The following STEAP2 variants were observed in gnomAD, a reference collection of about 807,000 sequenced individuals.
STEAP2 encodes STEAP2 metalloreductase.
STEAP2 carries 30 observed loss-of-function variants against 46.4 expected under a neutral mutation model. That is an observed-to-expected ratio of 0.65 (90% CI 0.48 to 0.88). STEAP2 has a LOEUF of 0.88. STEAP2 is among the 40% of genes least tolerant of loss of function. STEAP2 has a pLI of 0.00. For missense variants in STEAP2, 513 were observed against 579.3 expected (o/e 0.89, Z 1.18); for synonymous variants, 180 against 200.5 (o/e 0.90, Z 0.86).
At position 90,237,346 on chromosome 7, in the gene STEAP2, T is replaced by A. The variant is rs1795996373; in HGVS notation, c.*4722T>A. ...AATTAACTAGACTGCAATAATTCTT[T>A]CTTTTGAAAGCTTTTAAAGGATAAT... On this transcript the variant is annotated 3_prime_UTR_variant, in exon 6 of 6. Coordinates refer to ENST00000394621, the MANE Select transcript of STEAP2 (RefSeq NM_001244944.2). The A allele has an allele frequency of 5.8e-6, 1 of 171,934 alleles. No homozygotes were observed. The highest frequency in any genetic ancestry group is 6.3e-5 in the Admixed American group (1 of 15,990). The allele number at this position is 171,934 out of a possible 1,614,324, so 10.7% of individuals were successfully genotyped here.
chr7:90,224,930 C>A, intron 2 of STEAP2, 120 bp from the exon 3 acceptor site: 1 of 758,864 alleles, frequency 1.3e-6, no homozygotes, highest in Non-Finnish European at 2.1e-6. Context: ...TCTTACTGTG[C>A]TGTATGTTAA....
At position 90,236,563 on chromosome 7, in the gene STEAP2, A is replaced by G. The variant is rs1394954588; in HGVS notation, c.*3939A>G. 1 of 1,041,906 alleles carries G rather than the reference A, an allele frequency of 9.6e-7. No homozygotes were observed. Among genetic ancestry groups the G allele is most frequent in the Non-Finnish European group, 1.2e-6 (1 of 866,474 alleles). 64.5% of individuals were successfully genotyped at this position (1,041,906 alleles called of 1,614,324 possible). ...ACTGTAATAATTTCAGTGGAAACTC[A>G]ATCTGTTTTTACCTTTAAACAGTGA... On this transcript the variant is annotated 3_prime_UTR_variant, in exon 6 of 6. Coordinates refer to ENST00000394621, the MANE Select transcript of STEAP2 (RefSeq NM_001244944.2).
Position 90,227,380 on chromosome 7 carries a change from G to A in STEAP2, c.902G>A (p.Cys301Tyr). The A allele has an allele frequency of 6.2e-7, 1 of 1,613,544 alleles. No homozygotes were observed. Among genetic ancestry groups the A allele is most frequent in the Non-Finnish European group, 8.5e-7 (1 of 1,179,566 alleles). ...CCTTGGTTGGAAACCTGGTTACAGT[G>A]TAGAAAACAGCTTGGATTACTAAGT... is the stretch of plus-strand genomic sequence containing the variant. The part of the protein sequence containing the change: ...FPPWLETWLQ[C>Y]RKQLGLLSFF... Residue 301 changes from cysteine to tyrosine, a missense_variant, in exon 4 of 6, where the codon TGT becomes TAT. Transcript: ENST00000394621.
At chr7:90,219,137 C>T (rs914449728) in intron 2 of STEAP2, among the ~76,000 whole-genome samples, 5 of 151,670 alleles carry the variant, frequency 3.3e-5, no homozygotes, top group Non-Finnish European at 7.4e-5. Context: ...GATTTTGTAT[C>T]CTGCAACTTT....
Position 90,225,189 on chromosome 7 carries a change from T to C in STEAP2, c.107T>C (p.Ile36Thr). 2 of 1,614,040 alleles carry C rather than the reference T, an allele frequency of 1.2e-6. No individual in the cohort carries two copies. The highest frequency in any genetic ancestry group is 1.7e-6 in the Non-Finnish European group (2 of 1,179,946). Residue 36 changes from isoleucine to threonine, a missense_variant, in exon 3 of 6, where the codon ATT (isoleucine) becomes ACT (threonine). Ile to Thr is a moderately conservative substitution (Grantham distance 89, BLOSUM62 -1). Transcript: ENST00000394621. ...KDARKVTVGV[I>T]GSGDFAKSLT... is the part of the protein sequence containing the mutation. The stretch of plus-strand genomic sequence containing the variant: ...GCAAGGAAGGTCACTGTAGGTGTGA[T>C]TGGAAGTGGAGATTTTGCCAAATCC...
intron 2 of STEAP2, among the ~76,000 whole-genome samples, chr7:90,219,628 T>C (rs528699023): frequency 6.6e-6 from 1 of 152,296 alleles, no homozygotes; most frequent in East Asian, 1.9e-4. Flanking sequence ...CTTGTATCCC[T>C]GGGATGCATT....
chr7:90,219,229 G>A (rs896642075), intron 2 of STEAP2, among the ~76,000 whole-genome samples: 2 of 152,040 alleles, frequency 1.3e-5, no homozygotes, highest in Non-Finnish European at 2.9e-5. Context: ...CATCAGCAAA[G>A]AGGGATAATT....
intron 2 of STEAP2, among the ~76,000 whole-genome samples, chr7:90,224,757 C>G (rs140808601): frequency 2.0e-5 from 3 of 152,278 alleles, no homozygotes; most frequent in Non-Finnish European, 4.4e-5. Flanking sequence ...TACATTTTAA[C>G]GAGATTCCGA....
intron 2 of STEAP2, among the ~76,000 whole-genome samples, chr7:90,218,756 GA>G (rs1448900358): frequency 2.6e-5 from 4 of 152,000 alleles, no homozygotes; most frequent in African/African-American, 4.8e-5. Flanking sequence ...AGCTATTCAG[GA>G]TATTTTTTGG....
chr7:90,224,738 A>G (rs1021957804), intron 2 of STEAP2, among the ~76,000 whole-genome samples: 15 of 152,284 alleles, frequency 9.9e-5, no homozygotes, highest in African/African-American at 2.9e-4. Flanking sequence ...GAACTACTCA[A>G]TCAGAATCTA....
At position 90,227,076 on chromosome 7, in the gene STEAP2, G is replaced by A; in HGVS notation, c.598G>A (p.Glu200Lys). ...CTTGGGATCCTTATCATCAGCCAGAGAGATTGAAAATTTACCCCTACGACT... is the reference window on the plus strand; with the variant it reads ...CTTGGGATCCTTATCATCAGCCAGAAAGATTGAAAATTTACCCCTACGACT... Reference protein sequence around the residue: ...IDLGSLSSAREIENLPLRLFT... With the variant: ...IDLGSLSSARKIENLPLRLFT... The change falls in exon 4 of 6, where the codon GAG becomes AAG. Residue 200 changes from glutamate to lysine, a missense_variant. Coordinates refer to ENST00000394621, the MANE Select transcript of STEAP2 (RefSeq NM_001244944.2). 6.2e-7 allele frequency: 1 copy of A among 1,613,832 alleles called. No homozygotes were observed. Among genetic ancestry groups the A allele is most frequent in the Non-Finnish European group, 8.5e-7 (1 of 1,179,850 alleles).
At chr7:90,238,232 C>T (rs924730559), downstream of STEAP2, 16 of 691,708 alleles carry the variant, frequency 2.3e-5, no homozygotes, top group African/African-American at 8.8e-5. Context: ...TGTGCCTGTG[C>T]ACCAGATCTG....
chr7:90,216,082 G>A (rs1411659462), intron 1 of STEAP2: 1 of 152,122 alleles, frequency 6.6e-6, no homozygotes, highest in Non-Finnish European at 1.5e-5. Context: ...GCCTATAAAT[G>A]ACATAGTTTT....
chr7:90,223,705 T>C (rs1052994149), intron 2 of STEAP2, among the ~76,000 whole-genome samples: 1 of 152,224 alleles, frequency 6.6e-6, no homozygotes, highest in Admixed American at 6.5e-5. Context: ...TTTAAGATCA[T>C]AAACATGTTA....
intron 1 of STEAP2, chr7:90,212,474 C>G (rs1418041918): frequency 2.0e-5 from 3 of 152,222 alleles, no homozygotes; most frequent in Admixed American, 6.5e-5. Flanking sequence ...TTCTAGCAGT[C>G]ATTTGGTTTA....
Position 90,234,247 on chromosome 7 carries a change from A to G in STEAP2, c.*1623A>G. ...GTGCTGTCCTTCCACATTTAATTGC[A>G]TTTTGCTCAAACTGTAGAATGCCCT... On this transcript the variant is annotated 3_prime_UTR_variant, in exon 6 of 6. Coordinates refer to ENST00000394621, the MANE Select transcript of STEAP2 (RefSeq NM_001244944.2). 1.0e-6 allele frequency: 1 copy of G among 985,372 alleles called. No individual in the cohort carries two copies. Among genetic ancestry groups the G allele is most frequent in the Non-Finnish European group, 1.2e-6 (1 of 829,926 alleles). 61.0% of individuals were successfully genotyped at this position (985,372 alleles called of 1,614,324 possible).
At chr7:90,224,948 T>C in intron 2 of STEAP2, 102 bp from the exon 3 acceptor site, 1 of 955,002 alleles carries the variant, frequency 1.0e-6, no homozygotes, top group Non-Finnish European at 1.6e-6. Context: ...TAAAGTGTGG[T>C]GAAATATTTT....
the STEAP2 span, among the ~76,000 whole-genome samples, chr7:90,243,282 A>C: frequency 6.6e-6 from 1 of 152,254 alleles, no homozygotes; most frequent in Non-Finnish European, 1.5e-5. Context: ...ATTTATTTTC[A>C]TTGAATTTAT....
At chr7:90,214,965 C>G (rs145875147) in intron 1 of STEAP2, among the ~76,000 whole-genome samples, 3 of 152,050 alleles carry the variant, frequency 2.0e-5, no homozygotes, top group Non-Finnish European at 4.4e-5. Context: ...AACATGATAG[C>G]TATTAGGGTA....
Sources: allele counts gnomAD v4.1 joint callset (sites outside exome capture counted in the v4.1 genomes callset), GRCh38; gene constraint gnomAD v4.1.1; transcripts MANE v1.5; gene names NCBI Gene and HGNC (gene_info 2026-07-23, HGNC 2026-07-21).